The following PCDH11Y variants were observed in gnomAD, a reference collection of about 807,000 sequenced individuals.
The protein encoded by PCDH11Y is protocadherin-11 Y-linked.
For synonymous variants in PCDH11Y, 9 were observed against 83.6 expected, an observed-to-expected ratio of 0.11 and a Z score of 4.87; for missense variants, 12 against 224.8, an observed-to-expected ratio of 0.05 and a Z score of 6.05.
chrY:5,462,898 A>G, intron 2 of PCDH11Y, among the ~76,000 whole-genome samples: 3 of 33,049 alleles, frequency 9.1e-5, no homozygotes, highest in Non-Finnish European at 2.2e-4. Flanking sequence ...CGCCTCCCAA[A>G]GTGCTAGGAT....
chrY:5,662,670 T>C, intron 4 of PCDH11Y, among the ~76,000 whole-genome samples: 1 of 29,806 alleles, frequency 3.4e-5, no homozygotes, highest in South Asian at 8.0e-4. Context: ...TTTTTAATCC[T>C]ACCTTTCCTA....
chrY:5,695,276 C>CT (rs35175446), intron 4 of PCDH11Y, among the ~76,000 whole-genome samples: 6 of 27,930 alleles, frequency 2.1e-4, no homozygotes, highest in African/African-American at 2.8e-4. Context: ...CTGTTCTGCT[C>CT]TTTTTTTTTT....
At chrY:5,158,646 T>C (rs2052871963) in intron 2 of PCDH11Y, among the ~76,000 whole-genome samples, 1 of 29,885 alleles carries the variant, frequency 3.3e-5, no homozygotes, top group African/African-American at 1.3e-4. Context: ...ATCCCAATTA[T>C]ATGTCAAGCT....
chrY:5,658,704 C>A, intron 4 of PCDH11Y, among the ~76,000 whole-genome samples: 1 of 32,873 alleles, frequency 3.0e-5, no homozygotes, highest in Non-Finnish European at 7.5e-5. Context: ...TGACAGAATT[C>A]TGAATTCCTT....
At chrY:5,315,179 G>A (rs2124665026) in intron 2 of PCDH11Y, among the ~76,000 whole-genome samples, 1 of 32,719 alleles carries the variant, frequency 3.1e-5, no homozygotes, top group East Asian at 8.0e-4. Context: ...TGGGAAAGTG[G>A]AGGCTAGGCC....
intron 2 of PCDH11Y, among the ~76,000 whole-genome samples, chrY:5,332,332 G>A: frequency 5.9e-5 from 2 of 33,653 alleles, no homozygotes; most frequent in African/African-American, 2.3e-4. Context: ...CTTCCTGAGG[G>A]CTGTGTCATG....
chrY:5,146,625 G>C, intron 2 of PCDH11Y, among the ~76,000 whole-genome samples: 1 of 31,587 alleles, frequency 3.2e-5, no homozygotes, highest in African/African-American at 1.2e-4. Flanking sequence ...CTGTATGTTA[G>C]GCATAATTAT....
intron 2 of PCDH11Y, among the ~76,000 whole-genome samples, chrY:5,268,626 C>T: frequency 3.1e-5 from 1 of 32,595 alleles, no homozygotes; most frequent in African/African-American, 1.2e-4. Flanking sequence ...GTTCATTGAA[C>T]ATGGAAAGGA....
intron 2 of PCDH11Y, among the ~76,000 whole-genome samples, chrY:5,205,548 A>T: frequency 4.0e-5 from 1 of 24,933 alleles, no homozygotes; most frequent in Non-Finnish European, 9.0e-5. Flanking sequence ...CACTGAATAT[A>T]TATATATATA....
chrY:5,382,626 A>G (rs2053206357), intron 2 of PCDH11Y, among the ~76,000 whole-genome samples: 1 of 33,343 alleles, frequency 3.0e-5, no homozygotes. Context: ...ACTCAAATAC[A>G]CTTCATTTGC....
intron 4 of PCDH11Y, among the ~76,000 whole-genome samples, chrY:5,661,443 G>A: frequency 3.0e-5 from 1 of 33,161 alleles, no homozygotes; most frequent in Non-Finnish European, 7.4e-5. Context: ...TACCTGATGA[G>A]TATTTTGGCA....
downstream of PCDH11Y, among the ~76,000 whole-genome samples, chrY:5,108,674 G>A: frequency 3.7e-5 from 1 of 26,812 alleles, no homozygotes; most frequent in South Asian, 9.4e-4. Context: ...ACGAACCCGG[G>A]AGGCGGAGCC....
chrY:5,527,060 G>C, intron 3 of PCDH11Y, among the ~76,000 whole-genome samples: 2 of 32,786 alleles, frequency 6.1e-5, no homozygotes, highest in South Asian at 1.4e-3. Context: ...TGGCATATGA[G>C]GGTGGAGTTT....
chrY:5,612,154 C>A, intron 4 of PCDH11Y, among the ~76,000 whole-genome samples: 1 of 31,553 alleles, frequency 3.2e-5, no homozygotes, highest in Non-Finnish European at 7.7e-5. Flanking sequence ...ACGCTGGGAG[C>A]TGTAGACCGG....
chrY:5,205,661 A>AATAT (rs1404714318), intron 2 of PCDH11Y, among the ~76,000 whole-genome samples: 1 of 23,307 alleles, frequency 4.3e-5, no homozygotes, highest in Non-Finnish European at 9.7e-5. Flanking sequence ...TGAATATATA[A>AATAT]ATATATATAT....
At chrY:5,127,332 A>G in intron 2 of PCDH11Y, among the ~76,000 whole-genome samples, 1 of 31,641 alleles carries the variant, frequency 3.2e-5, no homozygotes, top group African/African-American at 1.2e-4. Flanking sequence ...CAGCTTCCCA[A>G]GTAGCTGGGA....
At chrY:5,656,416 A>G in intron 4 of PCDH11Y, among the ~76,000 whole-genome samples, 1 of 30,518 alleles carries the variant, frequency 3.3e-5, no homozygotes, top group South Asian at 7.3e-4. Context: ...GAAGCTTTTT[A>G]ACTTCACGTG....
At chrY:5,718,448 AT>A (rs2053591818) in intron 4 of PCDH11Y, among the ~76,000 whole-genome samples, 1 of 32,367 alleles carries the variant, frequency 3.1e-5, no homozygotes, top group African/African-American at 1.2e-4. Flanking sequence ...AGTGGAGATA[AT>A]TACATCACGG....
At chrY:5,733,048 G>A (rs2053606622) in intron 4 of PCDH11Y, among the ~76,000 whole-genome samples, 1 of 32,968 alleles carries the variant, frequency 3.0e-5, no homozygotes, top group African/African-American at 1.2e-4. Context: ...TTTATTTCCC[G>A]GATTGCTTTA....
Sources: gnomAD v4.1 joint callset for allele counts (sites outside exome capture counted in the v4.1 genomes callset) on GRCh38, gnomAD v4.1.1 for gene constraint, MANE v1.5 for transcripts, NCBI Gene and HGNC (gene_info 2026-07-23, HGNC 2026-07-21) for gene names.